The following ATG7 variants were observed in gnomAD, a reference collection of about 807,000 sequenced individuals.
ATG7 encodes autophagy related 7, also known as ubiquitin-like modifier-activating enzyme ATG7.
In ATG7, 70 loss-of-function variants were observed where a neutral mutation model predicts 82.4. The ratio of observed to expected loss-of-function variants is 0.85; its 90% CI spans 0.70 to 1.04. ATG7 has a LOEUF of 1.04. Ranked by LOEUF, ATG7 falls within the 50% of genes least tolerant of loss-of-function variation. The pLI, the probability that ATG7 is intolerant of heterozygous loss-of-function variation, is 0.00. For synonymous variants in ATG7, 287 were observed against 313.0 expected, an observed-to-expected ratio of 0.92 and a Z score of 0.88; for missense variants, 792 against 864.3, an observed-to-expected ratio of 0.92 and a Z score of 1.05.
intron 20 of ATG7, among the ~76,000 whole-genome samples, chr3:11,484,369 G>T (rs940772609): frequency 1.3e-5 from 2 of 152,046 alleles, no homozygotes; most frequent in Non-Finnish European, 2.9e-5. Context: ...ACTCTAGCCC[G>T]GATGACAGGA....
chr3:11,531,889 G>T (rs957336706), intron 20 of ATG7, among the ~76,000 whole-genome samples: 3 of 131,736 alleles, frequency 2.3e-5, no homozygotes, highest in African/African-American at 8.5e-5. Context: ...AAAAAAAAAA[G>T]TCTAATAACA....
chr3:11,383,800 A>G (rs2152855387), intron 19 of ATG7, among the ~76,000 whole-genome samples: 1 of 152,350 alleles, frequency 6.6e-6, no homozygotes, highest in East Asian at 1.9e-4. Flanking sequence ...TACAGGAAGT[A>G]GTTTCAAAAT....
intron 20 of ATG7, among the ~76,000 whole-genome samples, chr3:11,466,857 T>C (rs1218585047): frequency 6.6e-6 from 1 of 152,118 alleles, no homozygotes; most frequent in Non-Finnish European, 1.5e-5. Context: ...GAGCTGGGCA[T>C]GGTGGCACAC....
intron 20 of ATG7, among the ~76,000 whole-genome samples, chr3:11,508,996 A>G (rs2153072884): frequency 6.6e-6 from 1 of 152,360 alleles, no homozygotes; most frequent in Middle Eastern, 3.4e-3. Context: ...GACTTTTTCC[A>G]AACAAACAGA....
At chr3:11,443,130 G>A (rs1291327366) in intron 20 of ATG7, among the ~76,000 whole-genome samples, 1 of 152,064 alleles carries the variant, frequency 6.6e-6, no homozygotes, top group East Asian at 1.9e-4. Flanking sequence ...TCTTCTCCAG[G>A]TGTCGCCATG....
At chr3:11,275,899 G>A (rs1941675421) in intron 1 of ATG7, among the ~76,000 whole-genome samples, 1 of 152,114 alleles carries the variant, frequency 6.6e-6, no homozygotes, top group Admixed American at 6.5e-5. Context: ...GCTCTGGTTT[G>A]TCAGCCTCTC....
intron 20 of ATG7, among the ~76,000 whole-genome samples, chr3:11,554,356 G>A (rs1419122626): frequency 6.6e-6 from 1 of 152,192 alleles, no homozygotes; most frequent in Admixed American, 6.5e-5. Flanking sequence ...AGGGAACATG[G>A]AGCAGGTGCC....
At chr3:11,492,466 A>C (rs1010132709) in intron 20 of ATG7, among the ~76,000 whole-genome samples, 1 of 152,116 alleles carries the variant, frequency 6.6e-6, no homozygotes, top group Non-Finnish European at 1.5e-5. Context: ...AGCTGTTCCT[A>C]TTCAGCCATC....
rs557267290 is a variant in ATG7, at chr3:11,528,703, G to A, written c.2080-26108G>A. ...TAGCCGGGCATGGTGGTGCGCACCTGTAGTCCCAGCTACTCGGGAGGCTGA... is the reference window on the plus strand; with the variant it reads ...TAGCCGGGCATGGTGGTGCGCACCTATAGTCCCAGCTACTCGGGAGGCTGA... On this transcript the variant is annotated intron_variant, in intron 20 of 20. Transcript: ENST00000693202. Among the ~76,000 whole-genome samples the A allele has an allele frequency of 3.9e-5, 6 of 151,912 alleles. No homozygotes were observed. The South Asian group carries it at 1.3e-3, about 32-fold the overall frequency.
rs182041943 is a variant in ATG7, at chr3:11,505,887, G to A, written c.2080-48924G>A. 1.4e-4 allele frequency among the ~76,000 whole-genome samples: 21 copies of A among 152,340 alleles called. 1 individual carries two copies. Among genetic ancestry groups the A allele is most frequent in the African/African-American group, 4.6e-4 (19 of 41,572 alleles). On this transcript the variant is annotated intron_variant, in intron 20 of 20. Coordinates refer to ENST00000693202, the MANE Select transcript of ATG7 (RefSeq NM_001349232.2). ...AGAGAGCTGAAAGGTACACAGTGCA[G>A]TGGTAACATCTGGAATTGACCCCTG...
intron 9 of ATG7, among the ~76,000 whole-genome samples, chr3:11,321,566 C>G (rs1471975435): frequency 2.0e-5 from 3 of 152,154 alleles, no homozygotes; most frequent in Non-Finnish European, 4.4e-5. Flanking sequence ...TGTGAATGAT[C>G]TTACCTCCTA....
At chr3:11,446,590 C>T (rs1428052013) in intron 20 of ATG7, 10 of 393,458 alleles carry the variant, frequency 2.5e-5, no homozygotes, top group Middle Eastern at 3.5e-4. Context: ...ATAAATGAGC[C>T]TTTAAAAGAA....
chr3:11,568,669 G>A, the ATG7 span: 17 of 1,556,718 alleles, frequency 1.1e-5, no homozygotes, highest in Admixed American at 7.7e-5. This position sits in a 1 kb window ranked among gnomAD's most constrained non-coding sequence, Gnocchi z 5.9. Context: ...GGCCCCGCTC[G>A]CCCGGATGAA....
intron 9 of ATG7, among the ~76,000 whole-genome samples, chr3:11,321,422 C>CGT (rs10636785): frequency 0.88 from 133,510 of 152,072 alleles, 58,978 homozygotes; most frequent in East Asian, 1. Context: ...CAGTTTTGAC[C>CGT]GTGACCAGCA....
intron 20 of ATG7, among the ~76,000 whole-genome samples, chr3:11,503,967 G>C (rs2091533244): frequency 6.6e-6 from 1 of 151,928 alleles, no homozygotes; most frequent in African/African-American, 2.4e-5. Context: ...TTTGCGGAAA[G>C]GAAAACATAG....
chr3:11,559,304 G>A (rs1055654965), downstream of ATG7: 5 of 1,514,052 alleles, frequency 3.3e-6, no homozygotes, highest in African/African-American at 2.8e-5. Flanking sequence ...GCACAGCTGT[G>A]ACAGGTGAGG....
chr3:11,455,189 G>C (rs745629830), intron 20 of ATG7, among the ~76,000 whole-genome samples: 1 of 152,190 alleles, frequency 6.6e-6, no homozygotes, highest in Non-Finnish European at 1.5e-5. Flanking sequence ...AACTAAAGCA[G>C]TGTAGAATGC....
At chr3:11,506,794 G>A (rs2091759147) in intron 20 of ATG7, among the ~76,000 whole-genome samples, 1 of 152,024 alleles carries the variant, frequency 6.6e-6, no homozygotes, top group African/African-American at 2.4e-5. Context: ...GTTTAGTTGG[G>A]CAGCCCTGGT....
In ATG7 at chr3:11,395,964, AAG is replaced by A. The variant is rs1559533488; in HGVS notation, c.1956+15913_1956+15914del. Among the ~76,000 whole-genome samples the A allele has an allele frequency of 1.2e-4, 11 of 88,006 alleles. 3 individuals carry two copies. Among genetic ancestry groups the A allele is most frequent in the East Asian group, 1.0e-3 (2 of 1,976 alleles). The allele number at this position is 88,006 out of a possible 152,430, so 57.7% of individuals were successfully genotyped here. The stretch of plus-strand genomic sequence containing the variant: ...CAAAAAAAAAAAAAAAAAAAAAAAA[AAG>A]GTAGGGGGGGAAGAGTAAAAGTGAA... On this transcript the variant is annotated intron_variant, in intron 19 of 20. Coordinates refer to ENST00000693202, the MANE Select transcript of ATG7 (RefSeq NM_001349232.2).
Sources: gnomAD v4.1 joint callset for allele counts (sites outside exome capture counted in the v4.1 genomes callset) on GRCh38, gnomAD v4.1.1 for gene constraint, Gnocchi (gnomAD v3.1) non-coding constraint, MANE v1.5 for transcripts, NCBI Gene and HGNC (gene_info 2026-07-23, HGNC 2026-07-21) for gene names.